ADGRG6: variants seen among roughly 807,000 people sequenced by gnomAD.
ADGRG6 encodes the protein G-protein coupled receptor 126.
In ADGRG6, 84 loss-of-function variants were observed where a neutral mutation model predicts 142.4. The observed-to-expected ratio is 0.59, with a 90% confidence interval of 0.49 to 0.71. The LOEUF (loss-of-function observed/expected upper bound fraction) is 0.71. ADGRG6 is among the 30% of genes least tolerant of loss of function. The pLI is 0.00. For missense variants in ADGRG6, 1,367 were observed against 1,466.6 expected (o/e 0.93, Z 1.11); for synonymous variants, 521 against 520.5 (o/e 1.00, Z -0.01).
intron 2 of ADGRG6, among the ~76,000 whole-genome samples, chr6:142,365,028 A>T (rs1780882111): frequency 2.6e-5 from 4 of 152,152 alleles, no homozygotes; most frequent in Non-Finnish European, 5.9e-5. Context: ...GCCTGTCTGC[A>T]TGTTGCGATG....
chr6:142,416,263 A>G (rs1475332965), intron 20 of ADGRG6, among the ~76,000 whole-genome samples, 199 bp downstream of exon 20: 1 of 152,166 alleles, frequency 6.6e-6, no homozygotes, highest in Non-Finnish European at 1.5e-5. Flanking sequence ...AACAGCACTC[A>G]CTATATACAC....
intron 2 of ADGRG6, among the ~76,000 whole-genome samples, chr6:142,360,545 T>A (rs1276232788): frequency 1.3e-5 from 2 of 152,176 alleles, no homozygotes; most frequent in African/African-American, 4.8e-5. Flanking sequence ...AAGGAACAGC[T>A]CCTACCCTTC....
chr6:142,439,895 T>G (rs567231098), intron 24 of ADGRG6, among the ~76,000 whole-genome samples: 6 of 152,306 alleles, frequency 3.9e-5, no homozygotes, highest in African/African-American at 1.4e-4. Flanking sequence ...GCACAAAATA[T>G]TTTTGCTTAT....
Position 142,370,313 on chromosome 6 carries a change from A to G in ADGRG6, c.589A>G (p.Ser197Gly). The G allele has an allele frequency of 6.2e-7, 1 of 1,613,890 alleles. No individual in the cohort carries two copies. The stretch of plus-strand genomic sequence containing the variant: ...AGCAACCAAAGTTGGCCATGAAGAC[A>G]GTGATTGGACAGCTTTCTCCTACTC... ...FEATKVGHEDSDWTAFSYSNA... is the reference protein window; with the variant it reads ...FEATKVGHEDGDWTAFSYSNA... Residue 197 changes from serine to glycine, a missense_variant, in exon 4 of 25, where the codon AGT becomes GGT. Around this residue, in one of 3 missense-constraint regions of ADGRG6, gnomAD observed 737 missense variants for 746.5 expected, o/e 0.99. Transcript: ENST00000367609.
chr6:142,358,037 C>G (rs1406857638), intron 2 of ADGRG6, among the ~76,000 whole-genome samples: 1 of 152,136 alleles, frequency 6.6e-6, no homozygotes, highest in African/African-American at 2.4e-5. Context: ...TTCATGTGCT[C>G]AAGAAGTTAG....
At chr6:142,312,490 T>C (rs9385992) in intron 2 of ADGRG6, among the ~76,000 whole-genome samples, 24,821 of 151,990 alleles carry the variant, frequency 0.16, 3,264 homozygotes, top group East Asian at 0.62. Flanking sequence ...TATTTACACT[T>C]GTACCATAGA....
intron 2 of ADGRG6, among the ~76,000 whole-genome samples, chr6:142,319,314 A>G (rs1478982994): frequency 2.0e-5 from 3 of 152,244 alleles, no homozygotes; most frequent in South Asian, 4.1e-4. Flanking sequence ...TGAGGCTTTC[A>G]TCTCCACTGG....
intron 12 of ADGRG6, 29 bp from the exon 13 acceptor site, chr6:142,402,591 A>T (rs1775576340): frequency 1.8e-6 from 2 of 1,112,136 alleles, no homozygotes; most frequent in Non-Finnish European, 2.7e-6. Flanking sequence ...GGTAAAACTT[A>T]GTGTTGTTTT....
intron 24 of ADGRG6, among the ~76,000 whole-genome samples, chr6:142,440,618 T>C (rs1296763732): frequency 1.3e-5 from 2 of 152,170 alleles, no homozygotes; most frequent in Non-Finnish European, 2.9e-5. Context: ...TTTTAAAGAA[T>C]GCATTAATGT....
In ADGRG6 at chr6:142,367,599, T is replaced by C. The variant is rs529155878; in HGVS notation, c.134T>C (p.Leu45Ser). ...GGATGTGCCAACTGCCGAGTGGTTT[T>C]GTCCAACCCTTCTGGGACCTTTACT... ...VWGCANCRVV[L>S]SNPSGTFTSP... Residue 45 changes from leucine (L) to serine (S), a missense_variant, in exon 3 of 25, where the codon TTG becomes TCG. By Grantham distance (145) the Leu-to-Ser change is moderately radical. Transcript: ENST00000367609. The C allele has an allele frequency of 1.9e-6, 3 of 1,613,798 alleles. No homozygotes were observed. The highest frequency in any genetic ancestry group is 1.1e-5 in the South Asian group (1 of 91,066).
At chr6:142,391,744 G>A (rs906641723) in intron 7 of ADGRG6, among the ~76,000 whole-genome samples, 3 of 151,786 alleles carry the variant, frequency 2.0e-5, no homozygotes, top group Non-Finnish European at 4.4e-5. Flanking sequence ...TGCAGAAAGA[G>A]TATATTCTTT....
chr6:142,336,344 T>C (rs1562319796), intron 2 of ADGRG6, among the ~76,000 whole-genome samples: 1 of 152,204 alleles, frequency 6.6e-6, no homozygotes, highest in Non-Finnish European at 1.5e-5. Flanking sequence ...TTTTCTAAGA[T>C]TGATTTTTGT....
At chr6:142,407,858 C>T (rs1775885456) in intron 15 of ADGRG6, among the ~76,000 whole-genome samples, 1 of 152,094 alleles carries the variant, frequency 6.6e-6, no homozygotes, top group African/African-American at 2.4e-5. Flanking sequence ...ATTTATGAGT[C>T]TGCATTGTTT....
At chr6:142,317,727 T>A (rs1212142705) in intron 2 of ADGRG6, among the ~76,000 whole-genome samples, 4 of 107,040 alleles carry the variant, frequency 3.7e-5, no homozygotes, top group African/African-American at 8.2e-5. Flanking sequence ...TATTATATAT[T>A]AATATATATT....
At chr6:142,330,579 G>A (rs1243038047) in intron 2 of ADGRG6, among the ~76,000 whole-genome samples, 9 of 152,128 alleles carry the variant, frequency 5.9e-5, no homozygotes, top group Admixed American at 5.9e-4. Context: ...TCTCTGTTCA[G>A]AATCAAGAAA....
intron 9 of ADGRG6, among the ~76,000 whole-genome samples, chr6:142,397,256 TG>T (rs1775245388): frequency 6.6e-6 from 1 of 151,978 alleles, no homozygotes; most frequent in Non-Finnish European, 1.5e-5. Context: ...AAAATTAATT[TG>T]GGGCCACAAA....
chr6:142,440,805 T>G, intron 24 of ADGRG6: 1 of 643,300 alleles, frequency 1.6e-6, no homozygotes, highest in Non-Finnish European at 2.7e-6. Context: ...GTTAGCATCC[T>G]GGGATCACTC....
At chr6:142,328,673 G>A (rs957284157) in intron 2 of ADGRG6, among the ~76,000 whole-genome samples, 4 of 152,054 alleles carry the variant, frequency 2.6e-5, no homozygotes, top group Non-Finnish European at 4.4e-5. Flanking sequence ...GTGAAGTCTG[G>A]TCTTGGAACC....
chr6:142,401,110 C>A (rs946238344), intron 11 of ADGRG6, among the ~76,000 whole-genome samples: 1 of 152,112 alleles, frequency 6.6e-6, no homozygotes, highest in African/African-American at 2.4e-5. Flanking sequence ...CAAGTCAAAT[C>A]CATTTCTCTA....
Sources: gnomAD v4.1 joint callset for allele counts (sites outside exome capture counted in the v4.1 genomes callset) on GRCh38, gnomAD v4.1.1 for gene constraint, gnomAD v4.1.1 regional missense constraint, MANE v1.5 for transcripts, NCBI Gene and HGNC (gene_info 2026-07-23, HGNC 2026-07-21) for gene names.